Variants in FRYL observed in about 807,000 individuals in gnomAD.
The protein encoded by FRYL is protein furry homolog-like.
Under a neutral mutation model 351.2 loss-of-function variants are expected in FRYL, and 150 were observed. That is an observed-to-expected ratio of 0.43 (90% CI 0.37 to 0.49). FRYL has a LOEUF of 0.49. Ranked by LOEUF, FRYL falls within the 20% of genes least tolerant of loss-of-function variation. The pLI, the probability that FRYL is intolerant of heterozygous loss-of-function variation, is 0.00. For synonymous variants in FRYL, 1,153 were observed against 1,257.1 expected, an observed-to-expected ratio of 0.92 and a Z score of 1.75; for missense variants, 3,036 against 3,619.3, an observed-to-expected ratio of 0.84 and a Z score of 4.13.
intron 1 of FRYL, among the ~76,000 whole-genome samples, chr4:48,737,304 G>C (rs1771555805): frequency 6.8e-6 from 1 of 147,674 alleles, no homozygotes; most frequent in East Asian, 1.9e-4. Flanking sequence ...ACAACCAATA[G>C]TACAGATTCC....
At chr4:48,765,993 AG>A (rs2109392082) in intron 1 of FRYL, among the ~76,000 whole-genome samples, 1 of 152,332 alleles carries the variant, frequency 6.6e-6, no homozygotes, top group East Asian at 1.9e-4. Flanking sequence ...AGTGTTGGTG[AG>A]GATGTGGAGA....
At chr4:48,572,863 C>A (rs993139565) in intron 26 of FRYL, among the ~76,000 whole-genome samples, 1 of 152,148 alleles carries the variant, frequency 6.6e-6, no homozygotes, top group African/African-American at 2.4e-5. Flanking sequence ...AGTTTACGAA[C>A]GCTTTCATGC....
chr4:48,530,211 CTT>C (rs1727237768), intron 50 of FRYL, among the ~76,000 whole-genome samples: 1 of 152,190 alleles, frequency 6.6e-6, no homozygotes. Context: ...TTCCCACTCT[CTT>C]GAGTGGTGCA....
At chr4:48,569,478 T>C (rs1273127837) in intron 27 of FRYL, among the ~76,000 whole-genome samples, 2 of 152,188 alleles carry the variant, frequency 1.3e-5, no homozygotes, top group Non-Finnish European at 2.9e-5. Context: ...AGCTAATTTT[T>C]GTATTTTTGG....
At chr4:48,742,036 C>T (rs1226327184) in intron 1 of FRYL, among the ~76,000 whole-genome samples, 2 of 152,160 alleles carry the variant, frequency 1.3e-5, no homozygotes, top group Non-Finnish European at 2.9e-5. Context: ...AATGATGTAT[C>T]AATATAGCTT....
intron 1 of FRYL, among the ~76,000 whole-genome samples, chr4:48,756,996 G>A (rs1397372046): frequency 6.6e-6 from 1 of 152,192 alleles, no homozygotes; most frequent in Non-Finnish European, 1.5e-5. Context: ...AGGTTGTCTA[G>A]TTCATCTGGG....
chr4:48,746,337 T>A lies in FRYL; in HGVS notation c.-384+33741A>T, dbSNP rs569069914. Among the ~76,000 whole-genome samples the A allele has an allele frequency of 6.6e-5, 10 of 151,700 alleles. No homozygotes were observed. In the South Asian group the frequency reaches 2.1e-3, roughly 32 times the overall value. ...ATCCCAGCACTTTGGGAGGCTAAGG[T>A]GGGCGGATCACGAGGTCAGGAGATC... On this transcript the variant is annotated intron_variant, in intron 1 of 63. Coordinates refer to ENST00000358350, the MANE Select transcript of FRYL (RefSeq NM_015030.2).
chr4:48,697,671 G>T (rs1044444731), intron 2 of FRYL, among the ~76,000 whole-genome samples: 8 of 152,150 alleles, frequency 5.3e-5, no homozygotes, highest in Non-Finnish European at 8.8e-5. Context: ...TAGAGATGGG[G>T]TTTCACTATG....
At position 48,502,863 on chromosome 4, in the gene FRYL, C is replaced by G. The variant is rs779816685; in HGVS notation, c.8464-18G>C. 15 of 1,604,684 alleles carry G rather than the reference C, an allele frequency of 9.3e-6. No homozygotes were observed. In the South Asian group the frequency reaches 1.5e-4, roughly 17 times the overall value. On this transcript the variant is annotated intron_variant, in intron 60 of 63. Transcript: ENST00000358350. ...TCCATTTGCTAAGCAAGAAGGTGAT[C>G]AGGTCACAAAAAATACAAAGGAAGA...
chr4:48,772,140 A>G (rs1453396186), intron 1 of FRYL, among the ~76,000 whole-genome samples: 1 of 152,234 alleles, frequency 6.6e-6, no homozygotes, highest in African/African-American at 2.4e-5. Flanking sequence ...TTAATAATGT[A>G]TATGTACCAT....
intron 1 of FRYL, among the ~76,000 whole-genome samples, chr4:48,741,104 T>C (rs891650749): frequency 2.6e-5 from 4 of 151,604 alleles, no homozygotes; most frequent in African/African-American, 9.7e-5. Context: ...AAATATGCCA[T>C]CAAGCCATAA....
chr4:48,530,363 G>A (rs1280390601), intron 50 of FRYL, among the ~76,000 whole-genome samples: 1 of 151,770 alleles, frequency 6.6e-6, no homozygotes, highest in Non-Finnish European at 1.5e-5. Context: ...AATTGTCTTG[G>A]GACAGTCCCA....
intron 4 of FRYL, among the ~76,000 whole-genome samples, chr4:48,631,839 A>G (rs1287783037): frequency 6.6e-6 from 1 of 151,298 alleles, no homozygotes; most frequent in Non-Finnish European, 1.5e-5. Flanking sequence ...AGGCAGGTGA[A>G]TCACTTGAGC....
intron 3 of FRYL, among the ~76,000 whole-genome samples, chr4:48,679,329 C>T (rs1764263152): frequency 6.6e-6 from 1 of 151,978 alleles, no homozygotes; most frequent in African/African-American, 2.4e-5. Flanking sequence ...TTTTACGTAA[C>T]TGGTATTTTT....
At chr4:48,620,386 G>A (rs1247654247) in intron 6 of FRYL, among the ~76,000 whole-genome samples, 3 of 152,100 alleles carry the variant, frequency 2.0e-5, no homozygotes, top group Admixed American at 6.6e-5. Flanking sequence ...CTCCTAAATA[G>A]GTTTTTGTAT....
intron 4 of FRYL, among the ~76,000 whole-genome samples, chr4:48,632,091 A>AATATATATATATATATATATATATGT (rs1753180190): frequency 2.1e-4 from 5 of 23,396 alleles, no homozygotes; most frequent in Non-Finnish European, 4.7e-4. Flanking sequence ...AAAAAAAAAA[A>AATATATATATATATATATATATATGT]ATATATATAT....
Position 48,540,850 on chromosome 4 carries a change from T to G in FRYL, c.5798A>C (p.Tyr1933Ser). ...AGAGTTACTTCTTGCATTACTGTTA[T>G]ATCCCAAATAACTGCTACTATTAAT... is the stretch of plus-strand genomic sequence containing the variant. ...SPINSSSYLG[Y>S]NSNARSNSLR... Residue 1933 changes from tyrosine to serine, a missense_variant, in exon 46 of 64, where the codon TAT (tyrosine) becomes TCT (serine). Around this residue, in one of 7 missense-constraint regions of FRYL, gnomAD observed 1,987 missense variants for 2,311.7 expected, o/e 0.86. Coordinates refer to ENST00000358350, the MANE Select transcript of FRYL (RefSeq NM_015030.2). 1 of 1,614,072 alleles carries G rather than the reference T, an allele frequency of 6.2e-7. No individual in the cohort carries two copies. The highest frequency in any genetic ancestry group is 8.5e-7 in the Non-Finnish European group (1 of 1,179,954).
Position 48,535,645 on chromosome 4 carries a change from T to A in FRYL, c.6564+12A>T, listed in dbSNP as rs1728733490. On this transcript the variant is annotated intron_variant, in intron 48 of 63. Coordinates refer to ENST00000358350, the MANE Select transcript of FRYL (RefSeq NM_015030.2). Reference sequence around the variant, plus strand: ...TATATAGTAAATAAGAAAATATTTTTGGTAAATTTACCTCTGCAAGATAAG... The same window carrying A: ...TATATAGTAAATAAGAAAATATTTTAGGTAAATTTACCTCTGCAAGATAAG... The A allele has an allele frequency of 6.5e-7, 1 of 1,546,986 alleles. No individual in the cohort carries two copies. The highest frequency in any genetic ancestry group is 8.8e-7 in the Non-Finnish European group (1 of 1,142,736).
Position 48,580,868 on chromosome 4 carries a change from A to G in FRYL, c.2256T>C (p.Asp752=). The G allele has an allele frequency of 2.5e-6, 4 of 1,603,546 alleles. No individual in the cohort carries two copies. Among genetic ancestry groups the G allele is most frequent in the Non-Finnish European group, 3.4e-6 (4 of 1,171,190 alleles). Reference sequence around the variant, plus strand: ...AGAATGAAGTCACTATAGTTACCTGATCAGCCCCAGTGAGATGTATGAAGC... The same window carrying G: ...AGAATGAAGTCACTATAGTTACCTGGTCAGCCCCAGTGAGATGTATGAAGC... ...LESFIHLTGA[D]QTTLLYCPSS... is the part of the protein sequence containing the mutation. The change falls in exon 22 of 64, where the codon GAT becomes GAC. Residue 752 remains aspartate, a synonymous_variant. Coordinates refer to ENST00000358350, the MANE Select transcript of FRYL (RefSeq NM_015030.2).
Sources: allele counts gnomAD v4.1 joint callset (sites outside exome capture counted in the v4.1 genomes callset), GRCh38; gene constraint gnomAD v4.1.1; regional missense constraint gnomAD v4.1.1; transcripts MANE v1.5; gene names NCBI Gene and HGNC (gene_info 2026-07-23, HGNC 2026-07-21).